HS6ST3: variants seen among roughly 807,000 people sequenced by gnomAD.
HS6ST3 encodes the protein heparan sulfate 6-O-sulfotransferase 3, also known as heparan-sulfate 6-O-sulfotransferase 3.
In HS6ST3, 12 loss-of-function variants were observed where a neutral mutation model predicts 36.7. The observed-to-expected ratio is 0.33, with a 90% CI of 0.21 to 0.53. The LOEUF is 0.53. HS6ST3 is among the 20% of genes least tolerant of loss of function. The pLI is 0.95. For missense variants in HS6ST3, 584 were observed against 640.9 expected (o/e 0.91, Z 0.96); for synonymous variants, 240 against 257.5 (o/e 0.93, Z 0.65).
intron 1 of HS6ST3, among the ~76,000 whole-genome samples, chr13:96,129,398 G>A (rs963380565): frequency 3.6e-4 from 55 of 152,344 alleles, no homozygotes; most frequent in Non-Finnish European, 6.2e-4. Context: ...ACAGAGGGTG[G>A]AACCTGCAGC....
chr13:96,494,186 C>A (rs1261303017), intron 1 of HS6ST3, among the ~76,000 whole-genome samples: 2 of 151,864 alleles, frequency 1.3e-5, no homozygotes, highest in Non-Finnish European at 2.9e-5. Context: ...AATGTGGCAC[C>A]TATACACCAT....
At chr13:96,661,866 A>G (rs1000222666) in intron 1 of HS6ST3, among the ~76,000 whole-genome samples, 3 of 152,172 alleles carry the variant, frequency 2.0e-5, no homozygotes, top group African/African-American at 7.2e-5. Flanking sequence ...TTAGTTTAGC[A>G]GGATACAAAA....
intron 1 of HS6ST3, among the ~76,000 whole-genome samples, chr13:96,438,128 A>T (rs1032186197): frequency 6.6e-6 from 1 of 152,184 alleles, no homozygotes; most frequent in Non-Finnish European, 1.5e-5. Flanking sequence ...ATTTCTTGCC[A>T]CTGGTTCATT....
intron 1 of HS6ST3, among the ~76,000 whole-genome samples, chr13:96,488,805 T>A (rs958747431): frequency 2.0e-5 from 3 of 152,122 alleles, no homozygotes; most frequent in Non-Finnish European, 4.4e-5. Context: ...ACTTCATTGT[T>A]CCATTCCATA....
At chr13:96,435,803 CTT>C (rs60227298) in intron 1 of HS6ST3, among the ~76,000 whole-genome samples, 30 of 150,634 alleles carry the variant, frequency 2.0e-4, no homozygotes, top group African/African-American at 2.9e-4. Flanking sequence ...GTTATCACTC[CTT>C]TTTTTTTTAT....
intron 1 of HS6ST3, among the ~76,000 whole-genome samples, chr13:96,411,270 T>A (rs1007401966): frequency 3.9e-5 from 6 of 152,022 alleles, no homozygotes; most frequent in Non-Finnish European, 8.8e-5. Flanking sequence ...GGAAGCTGCT[T>A]CTCCAGGGCC....
At chr13:96,526,532 G>C (rs2056115156) in intron 1 of HS6ST3, among the ~76,000 whole-genome samples, 1 of 152,108 alleles carries the variant, frequency 6.6e-6, no homozygotes, top group Non-Finnish European at 1.5e-5. Context: ...TCAGTAAATT[G>C]GCAACTCACC....
At chr13:96,376,960 A>G (rs556122055) in intron 1 of HS6ST3, among the ~76,000 whole-genome samples, 2 of 150,322 alleles carry the variant, frequency 1.3e-5, no homozygotes, top group African/African-American at 4.9e-5. Flanking sequence ...CTAAAAATAT[A>G]TTTTTATTGT....
intron 1 of HS6ST3, among the ~76,000 whole-genome samples, chr13:96,407,940 G>GTTA (rs368238544): frequency 2.0e-5 from 3 of 151,864 alleles, no homozygotes; most frequent in Non-Finnish European, 4.4e-5. Flanking sequence ...GATTTTTAGC[G>GTTA]TTATTATTAT....
At chr13:96,496,545 C>T (rs1368140261) in intron 1 of HS6ST3, among the ~76,000 whole-genome samples, 1 of 152,124 alleles carries the variant, frequency 6.6e-6, no homozygotes, top group Non-Finnish European at 1.5e-5. Context: ...CAGCTTGCCT[C>T]ATGGAGAGGC....
chr13:96,254,511 A>ACG (rs1566302773), intron 1 of HS6ST3, among the ~76,000 whole-genome samples: 3 of 33,052 alleles, frequency 9.1e-5, no homozygotes, highest in African/African-American at 2.0e-4. Context: ...ACATACATAC[A>ACG]CACACACACT....
chr13:96,099,409 A>T (rs1030690871), intron 1 of HS6ST3, among the ~76,000 whole-genome samples: 13 of 152,216 alleles, frequency 8.5e-5, no homozygotes, highest in Admixed American at 1.3e-4. Context: ...GATGCTGTGG[A>T]TATTCACTGG....
At chr13:96,400,143 G>A (rs907785121) in intron 1 of HS6ST3, among the ~76,000 whole-genome samples, 5 of 142,796 alleles carry the variant, frequency 3.5e-5, no homozygotes, top group African/African-American at 1.3e-4. Context: ...CTTCAATTCA[G>A]TAGTGCTGAA....
chr13:96,175,498 TG>T (rs745534944), intron 1 of HS6ST3, among the ~76,000 whole-genome samples: 49 of 152,232 alleles, frequency 3.2e-4, no homozygotes, highest in South Asian at 8.3e-4. Flanking sequence ...GGGAAGTGAT[TG>T]TTTTTTTAAA....
At chr13:96,451,685 G>T (rs1210447342) in intron 1 of HS6ST3, among the ~76,000 whole-genome samples, 2 of 152,054 alleles carry the variant, frequency 1.3e-5, no homozygotes, top group Non-Finnish European at 2.9e-5. Flanking sequence ...TAATCAAATT[G>T]TCCACCTTTG....
intron 1 of HS6ST3, among the ~76,000 whole-genome samples, chr13:96,770,076 T>C (rs1216228021): frequency 1.3e-5 from 2 of 152,182 alleles, no homozygotes; most frequent in Non-Finnish European, 2.9e-5. Flanking sequence ...ATAAACAACA[T>C]TATACCAGTC....
intron 1 of HS6ST3, among the ~76,000 whole-genome samples, chr13:96,515,658 G>A (rs2056069439): frequency 6.6e-6 from 1 of 152,086 alleles, no homozygotes; most frequent in African/African-American, 2.4e-5. Context: ...TGTGAGGAGA[G>A]ATGTGATGGT....
rs1031939327 is a variant in HS6ST3, at chr13:96,429,310, C to T, written c.707+337741C>T. Among the ~76,000 whole-genome samples, 8 of 152,220 alleles carry T rather than the reference C, an allele frequency of 5.3e-5. No individual in the cohort carries two copies. The East Asian group carries it at 1.5e-3, about 29-fold the overall frequency. On this transcript the variant is annotated intron_variant, in intron 1 of 1. Transcript: ENST00000376705. Reference sequence around the variant, plus strand: ...ACCGAAAGGTTACCTATAGAAGCAGCGTGATATTATAAAATGAACATTGGA... The same window carrying T: ...ACCGAAAGGTTACCTATAGAAGCAGTGTGATATTATAAAATGAACATTGGA...
At chr13:96,558,880 C>A (rs1282223525) in intron 1 of HS6ST3, among the ~76,000 whole-genome samples, 1 of 152,116 alleles carries the variant, frequency 6.6e-6, no homozygotes. Context: ...ATCTCACACA[C>A]AGATTGGTGA....
Sources: gnomAD v4.1 joint callset for allele counts (sites outside exome capture counted in the v4.1 genomes callset) on GRCh38, gnomAD v4.1.1 for gene constraint, MANE v1.5 for transcripts, NCBI Gene and HGNC (gene_info 2026-07-23, HGNC 2026-07-21) for gene names.